The following NLGN1 variants were observed in gnomAD, a reference collection of about 807,000 sequenced individuals.
The protein encoded by NLGN1 is neuroligin-1.
A neutral mutation model predicts 65.5 loss-of-function variants in NLGN1; 12 were observed. The observed-to-expected ratio is 0.18, with a 90% CI of 0.12 to 0.30. The LOEUF (loss-of-function observed/expected upper bound fraction) is 0.30. Among genes scored for constraint, NLGN1 ranks in the 10% least tolerant of loss-of-function variants. The pLI is 1.00. For synonymous variants in NLGN1, 350 were observed against 359.5 expected (o/e 0.97, Z 0.30); for missense variants, 750 against 1,007.1 (o/e 0.74, Z 3.46).
Position 173,893,713 on chromosome 3 carries a change from AT to A in NLGN1, c.646+85889del, listed in dbSNP as rs913166009. On this transcript the variant is annotated intron_variant, in intron 4 of 6. Coordinates refer to ENST00000457714, the Ensembl canonical transcript of NLGN1. ...TTGCATGGGCTCCTAACCTGTTTTTATTTTTTTTAACCTCTTACTTAACTCA... is the reference window on the plus strand; with the variant it reads ...TTGCATGGGCTCCTAACCTGTTTTTATTTTTTTAACCTCTTACTTAACTCA... Among the ~76,000 whole-genome samples the A allele has an allele frequency of 4.0e-4, 60 of 151,802 alleles. 1 individual carries two copies. The highest frequency in any genetic ancestry group is 1.4e-3 in the African/African-American group (56 of 41,328).
intron 4 of NLGN1, among the ~76,000 whole-genome samples, chr3:173,976,273 C>A (rs1313079689): frequency 6.6e-6 from 1 of 152,036 alleles, no homozygotes; most frequent in East Asian, 1.9e-4. Context: ...ATAGGATAAA[C>A]TATTCTACAG....
At chr3:174,099,190 C>T (rs75277641) in intron 4 of NLGN1, among the ~76,000 whole-genome samples, 134 of 152,226 alleles carry the variant, frequency 8.8e-4, no homozygotes, top group Non-Finnish European at 1.6e-3. Flanking sequence ...CCATAGAACC[C>T]GTTTGCATTA....
intron 4 of NLGN1, among the ~76,000 whole-genome samples, chr3:173,953,426 T>G (rs889413293): frequency 6.6e-6 from 1 of 152,342 alleles, no homozygotes; most frequent in Non-Finnish European, 1.5e-5. Flanking sequence ...CTCTGTTCAA[T>G]TTTAGAGCTG....
intron 3 of NLGN1, among the ~76,000 whole-genome samples, chr3:173,744,017 C>CT (rs1215238727): frequency 6.6e-6 from 1 of 152,024 alleles, no homozygotes; most frequent in African/African-American, 2.4e-5. Context: ...TTCAAAATAA[C>CT]TAGTTAGAAA....
At chr3:173,807,973 G>A (rs1302631625) in intron 4 of NLGN1, 141 bp downstream of exon 4, 1 of 744,716 alleles carries the variant, frequency 1.3e-6, no homozygotes, top group Non-Finnish European at 2.2e-6. Flanking sequence ...ATTTTTTATA[G>A]TTTCAATGAA....
intron 4 of NLGN1, among the ~76,000 whole-genome samples, chr3:174,146,436 A>G: frequency 6.6e-6 from 1 of 152,230 alleles, no homozygotes; most frequent in Middle Eastern, 3.2e-3. Flanking sequence ...ACAATTTATA[A>G]CCACTAATAA....
chr3:173,668,921 G>T (rs1577855546), intron 3 of NLGN1, among the ~76,000 whole-genome samples: 1 of 152,118 alleles, frequency 6.6e-6, no homozygotes, highest in African/African-American at 2.4e-5. Context: ...ACTGCACCAG[G>T]CCAGTTTCTT....
At chr3:173,746,425 C>T (rs1483159696) in intron 3 of NLGN1, among the ~76,000 whole-genome samples, 1 of 152,062 alleles carries the variant, frequency 6.6e-6, no homozygotes, top group Non-Finnish European at 1.5e-5. Flanking sequence ...CTTCCTAACA[C>T]TCCTGACTCA....
At chr3:173,446,291 A>C (rs1319673635) in intron 2 of NLGN1, among the ~76,000 whole-genome samples, 1 of 137,750 alleles carries the variant, frequency 7.3e-6, no homozygotes, top group African/African-American at 2.7e-5. Flanking sequence ...TTCAATTCCC[A>C]CCTATGAGTG....
chr3:174,159,242 G>GT (rs563558001), intron 4 of NLGN1, among the ~76,000 whole-genome samples: 57 of 151,372 alleles, frequency 3.8e-4, no homozygotes, highest in Non-Finnish European at 4.9e-4. Context: ...TATTTGTGAG[G>GT]TTTTTTTTAC....
chr3:174,085,836 A>G (rs1743122360), intron 4 of NLGN1, among the ~76,000 whole-genome samples: 1 of 152,016 alleles, frequency 6.6e-6, no homozygotes, highest in Admixed American at 6.6e-5. Context: ...TTCATTCTAT[A>G]ACTTTTCACA....
intron 2 of NLGN1, among the ~76,000 whole-genome samples, chr3:173,594,331 G>A (rs1049576640): frequency 6.6e-6 from 1 of 152,172 alleles, no homozygotes; most frequent in Non-Finnish European, 1.5e-5. Flanking sequence ...AAACAGAGGG[G>A]CTACAGGCCC....
chr3:173,494,122 A>AGTGT (rs63066860), intron 2 of NLGN1, among the ~76,000 whole-genome samples: 63,770 of 147,748 alleles, frequency 0.43, 16,269 homozygotes, highest in East Asian at 0.77. Flanking sequence ...GTTATAGGTG[A>AGTGT]GTGTGTGTGT....
rs545751523 is a variant in NLGN1 at position 173,685,715 on chromosome 3, A to G, written c.493+80624A>G. ...TCCAGGAAGTTTGGTAAATGATCCC[A>G]AGAGTACCAAGATTGGGTGATCCAG... On this transcript the variant is annotated intron_variant, in intron 3 of 6. Transcript: ENST00000457714. The G allele has an allele frequency of 3.1e-4, 301 of 985,318 alleles. No individual in the cohort carries two copies. The African/African-American group carries it at 5.1e-3, about 17-fold the overall frequency. 61.0% of individuals were successfully genotyped at this position (985,318 alleles called of 1,614,324 possible).
At chr3:173,855,143 T>C (rs879664011) in intron 4 of NLGN1, among the ~76,000 whole-genome samples, 7 of 152,064 alleles carry the variant, frequency 4.6e-5, no homozygotes, top group Non-Finnish European at 7.4e-5. Flanking sequence ...TCTAAGAACA[T>C]TATCATTAAC....
chr3:173,825,382 G>GA (rs11425159), intron 4 of NLGN1, among the ~76,000 whole-genome samples: 100,379 of 151,670 alleles, frequency 0.66, 34,117 homozygotes, highest in Non-Finnish European at 0.74. Context: ...ATTCTTAGTG[G>GA]AAAAAATGAT....
intron 4 of NLGN1, among the ~76,000 whole-genome samples, chr3:173,951,664 TG>T (rs1748234177): frequency 1.3e-5 from 2 of 151,960 alleles, no homozygotes; most frequent in Admixed American, 1.3e-4. Context: ...AGTTTCACCA[TG>T]TTGGTCAGGC....
intron 3 of NLGN1, among the ~76,000 whole-genome samples, chr3:173,696,022 G>C (rs530842266): frequency 6.6e-6 from 1 of 151,986 alleles, no homozygotes; most frequent in Admixed American, 6.6e-5. Flanking sequence ...ATGTTTCCCC[G>C]GCTTGTCTTT....
At chr3:173,693,926 C>T (rs767769386) in intron 3 of NLGN1, among the ~76,000 whole-genome samples, 1 of 151,806 alleles carries the variant, frequency 6.6e-6, no homozygotes, top group Non-Finnish European at 1.5e-5. Flanking sequence ...ATTCATGCTA[C>T]AAATTAAAAT....
Sources: allele counts gnomAD v4.1 joint callset (sites outside exome capture counted in the v4.1 genomes callset), GRCh38; gene constraint gnomAD v4.1.1; transcripts MANE v1.5; gene names NCBI Gene and HGNC (gene_info 2026-07-23, HGNC 2026-07-21).